TRMT9B: variants seen among roughly 807,000 people sequenced by gnomAD.
The protein encoded by TRMT9B is probable tRNA methyltransferase 9B.
TRMT9B carries 16 observed loss-of-function variants against 11.5 expected under a neutral mutation model. That is an observed-to-expected ratio of 1.39 (90% CI 0.94 to 2.11). The LOEUF (loss-of-function observed/expected upper bound fraction) is 2.11, where lower values mean the gene tolerates loss of function less well. Among genes scored for constraint, TRMT9B ranks in the 30% most tolerant of loss-of-function variants. The pLI is 0.00. For missense variants in TRMT9B, 941 were observed against 553.8 expected (o/e 1.70, Z -7.02); for synonymous variants, 274 against 192.4 (o/e 1.42, Z -3.51).
chr8:12,959,323 G>A (rs1007658175), intron 1 of TRMT9B, among the ~76,000 whole-genome samples: 36 of 152,036 alleles, frequency 2.4e-4, no homozygotes, highest in Non-Finnish European at 3.8e-4. Flanking sequence ...CGGTCAAAAC[G>A]CAGTCCAAAC....
In TRMT9B at chr8:13,012,672, T is replaced by C. The variant is rs774447547; in HGVS notation, c.155-12T>C. 2 of 1,602,470 alleles carry C rather than the reference T, an allele frequency of 1.2e-6. No homozygotes were observed. Among genetic ancestry groups the C allele is most frequent in the Non-Finnish European group, 1.7e-6 (2 of 1,173,252 alleles). Reference sequence around the variant, plus strand: ...TTGAGGATAGCATGTAACGCAGGTTTTTCTCTTATAGGTTGTGGGACTGGA... The same window carrying C: ...TTGAGGATAGCATGTAACGCAGGTTCTTCTCTTATAGGTTGTGGGACTGGA... On this transcript the variant is annotated splice_polypyrimidine_tract_variant and intron_variant, in intron 3 of 4. Coordinates refer to ENST00000524591, the MANE Select transcript of TRMT9B (RefSeq NM_020844.3).
intron 3 of TRMT9B, chr8:13,012,292 G>T (rs1224732186): frequency 2.3e-6 from 2 of 880,352 alleles, no homozygotes. Context: ...AAAAAAAAAA[G>T]TTGGCCAGGC....
chr8:13,006,629 T>A (rs1810528404), intron 3 of TRMT9B: 1 of 1,372,488 alleles, frequency 7.3e-7, no homozygotes, highest in Admixed American at 3.1e-5. Context: ...CTCGAGACAG[T>A]CAAGTCAGCA....
rs151236827 is a variant in TRMT9B at position 12,975,989 on chromosome 8, A to G, written c.-199-14845A>G. Among the ~76,000 whole-genome samples the G allele has an allele frequency of 4.7e-4, 72 of 152,342 alleles. 1 individual carries two copies. In the Middle Eastern group the frequency reaches 0.014, roughly 29 times the overall value. On this transcript the variant is annotated intron_variant, in intron 1 of 4. Transcript: ENST00000524591. ...TCTATATGAGCCATGGTTGCTGATT[A>G]CAAGCAACAGAAACTGACTCGTGAT...
chr8:12,964,758 T>G (rs1802593242), intron 1 of TRMT9B, among the ~76,000 whole-genome samples: 1 of 151,518 alleles, frequency 6.6e-6, no homozygotes, highest in Non-Finnish European at 1.5e-5. Context: ...GTTTGTTTGT[T>G]TGTTTGTTTT....
intron 1 of TRMT9B, among the ~76,000 whole-genome samples, chr8:12,965,481 C>G (rs773176030): frequency 6.6e-6 from 1 of 152,184 alleles, no homozygotes; most frequent in Non-Finnish European, 1.5e-5. Context: ...GATCCCCGTC[C>G]AGAACCAAGG....
rs115574660 is a variant in TRMT9B at position 13,012,448 on chromosome 8, G to A, written c.155-236G>A. The A allele has an allele frequency of 1.2e-3, 541 of 462,416 alleles. 4 individuals are homozygous for A. Among genetic ancestry groups the A allele is most frequent in the African/African-American group, 0.01 (505 of 48,514 alleles). The allele number at this position is 462,416 out of a possible 1,614,324, so 28.6% of individuals were successfully genotyped here. A position where few individuals can be genotyped will look rare whatever the true frequency, so the allele number is the denominator to read the frequency against. ...AAATTATCCGGTCATGGTGGCACGC[G>A]CCTATGATCCCACCTACTCGGGAGG... On this transcript the variant is annotated intron_variant, in intron 3 of 4. Transcript: ENST00000524591.
At chr8:12,993,786 A>T (rs1054273727) in intron 2 of TRMT9B, among the ~76,000 whole-genome samples, 4 of 152,232 alleles carry the variant, frequency 2.6e-5, no homozygotes, top group African/African-American at 9.6e-5. Context: ...CCACTGGGGT[A>T]CATGCTGTGA....
At chr8:12,949,272 A>G (rs145234439) in intron 1 of TRMT9B, among the ~76,000 whole-genome samples, 2 of 152,194 alleles carry the variant, frequency 1.3e-5, no homozygotes, top group Non-Finnish European at 2.9e-5. Flanking sequence ...AAAAAACTGA[A>G]AAACGTTAAA....
intron 1 of TRMT9B, among the ~76,000 whole-genome samples, chr8:12,953,853 G>A (rs1024677144): frequency 1.3e-5 from 2 of 152,140 alleles, no homozygotes; most frequent in African/African-American, 4.8e-5. Flanking sequence ...GACATATCTT[G>A]TCACTGAGGA....
At chr8:13,011,514 A>T in intron 3 of TRMT9B, 3 of 965,048 alleles carry the variant, frequency 3.1e-6, no homozygotes, top group Non-Finnish European at 3.7e-6. Context: ...ATAGGCTCTA[A>T]TGATTTCTTT....
rs920727895 is a variant in TRMT9B, at chr8:13,012,226, T to G, written c.155-458T>G. On this transcript the variant is annotated intron_variant, in intron 3 of 4. Transcript: ENST00000524591. ...GTAAGTATTCGCCGAAGGCTTTTCT[T>G]TTGCTTTTGTGAATACCTTCACACC... 30 of 985,436 alleles carry G rather than the reference T, an allele frequency of 3.0e-5. 1 individual carries two copies. In the African/African-American group the frequency reaches 4.5e-4, roughly 15 times the overall value. The allele number at this position is 985,436 out of a possible 1,614,324, so 61.0% of individuals were successfully genotyped here. A position where few individuals can be genotyped will look rare whatever the true frequency, so the allele number is the denominator to read the frequency against.
chr8:12,983,594 C>G lies in TRMT9B; in HGVS notation c.-199-7240C>G, dbSNP rs140341890. Among the ~76,000 whole-genome samples, 153 of 152,228 alleles carry G rather than the reference C, an allele frequency of 1.0e-3. 2 individuals carry two copies. The East Asian group carries it at 0.027, about 27-fold the overall frequency. On this transcript the variant is annotated intron_variant, in intron 1 of 4. Transcript: ENST00000524591. Reference sequence around the variant, plus strand: ...CTGAGGCAGGACAATCGCTTGAATCCAGGAGGCGGAGGTAGCAGTGAGCCA... The same window carrying G: ...CTGAGGCAGGACAATCGCTTGAATCGAGGAGGCGGAGGTAGCAGTGAGCCA...
At chr8:13,010,547 C>G (rs1227367150) in intron 3 of TRMT9B, 2 of 984,688 alleles carry the variant, frequency 2.0e-6, no homozygotes, top group African/African-American at 3.5e-5. Context: ...AACATGAAGG[C>G]CATTAGAAAT....
chr8:13,020,917 T>C, intron 4 of TRMT9B, 91 bp from the exon 5 acceptor site: 1 of 837,262 alleles, frequency 1.2e-6, no homozygotes, highest in Non-Finnish European at 1.8e-6. Flanking sequence ...GATGTCAAAA[T>C]TTCATCCTTG....
At chr8:13,020,811 C>G (rs1161283936) in intron 4 of TRMT9B, among the ~76,000 whole-genome samples, 197 bp from the exon 5 acceptor site, 2 of 152,180 alleles carry the variant, frequency 1.3e-5, no homozygotes, top group Non-Finnish European at 2.9e-5. Context: ...ATTAAAAGTA[C>G]AGGAGCCAAA....
At position 13,025,176 on chromosome 8, in the gene TRMT9B, T is replaced by C. The variant is rs1040474386; in HGVS notation, c.*3132T>C. ...TACTGGCATCAGCACAGAGTCCCAC[T>C]ATCTGAAATAGAAGGGAGAGTTTGG... On this transcript the variant is annotated 3_prime_UTR_variant, in exon 5 of 5. Transcript: ENST00000524591. 1 of 167,050 alleles carries C rather than the reference T, an allele frequency of 6.0e-6. No individual in the cohort carries two copies. Among genetic ancestry groups the C allele is most frequent in the African/African-American group, 2.4e-5 (1 of 41,422 alleles). 10.3% of individuals were successfully genotyped at this position (167,050 alleles called of 1,614,324 possible). A position where few individuals can be genotyped will look rare whatever the true frequency, so the allele number is the denominator to read the frequency against.
At chr8:12,959,412 G>T (rs1012788674) in intron 1 of TRMT9B, among the ~76,000 whole-genome samples, 1 of 149,092 alleles carries the variant, frequency 6.7e-6, no homozygotes, top group Non-Finnish European at 1.5e-5. Context: ...ATAAATGTAT[G>T]TTGTCTTTAT....
intron 1 of TRMT9B, among the ~76,000 whole-genome samples, chr8:12,990,207 G>C (rs1050126565): frequency 2.6e-5 from 4 of 152,188 alleles, no homozygotes; most frequent in Admixed American, 1.3e-4. Flanking sequence ...CCCACTTGCA[G>C]ACAAGCAATT....
Sources: gnomAD v4.1 joint callset for allele counts (sites outside exome capture counted in the v4.1 genomes callset) on GRCh38, gnomAD v4.1.1 for gene constraint, MANE v1.5 for transcripts, NCBI Gene and HGNC (gene_info 2026-07-23, HGNC 2026-07-21) for gene names.